DCAF8: variants seen among roughly 807,000 people sequenced by gnomAD.
DCAF8 encodes the protein DDB1- and CUL4-associated factor 8.
In DCAF8, 20 loss-of-function variants were observed where a neutral mutation model predicts 68.0. The observed-to-expected ratio is 0.29, with a 90% CI of 0.21 to 0.43. DCAF8 has a LOEUF of 0.43. DCAF8 is among the 20% of genes least tolerant of loss of function. The pLI, the probability that DCAF8 is intolerant of heterozygous loss-of-function variation, is 1.00. For missense variants in DCAF8, 460 were observed against 771.0 expected (o/e 0.60, Z 4.78); for synonymous variants, 230 against 276.9 (o/e 0.83, Z 1.68).
intron 2 of DCAF8, among the ~76,000 whole-genome samples, chr1:160,256,012 CTTTTTTTT>C (rs11284812): frequency 2.9e-4 from 22 of 75,526 alleles, no homozygotes; most frequent in African/African-American, 9.7e-4. Context: ...ACTAAGCAAA[CTTTTTTTT>C]TTTTTTTTTT....
At chr1:160,230,061 G>A (rs1218568799) in intron 7 of DCAF8, among the ~76,000 whole-genome samples, 1 of 152,020 alleles carries the variant, frequency 6.6e-6, no homozygotes, top group Non-Finnish European at 1.5e-5. Context: ...AAGGACTGTT[G>A]GTGACTAGAG....
intron 11 of DCAF8, chr1:160,220,912 GC>G (rs1655274612): frequency 1.3e-5 from 2 of 152,212 alleles, no homozygotes; most frequent in Admixed American, 1.3e-4. Context: ...AAAAAACAGA[GC>G]AGAGGGAGCC....
intron 4 of DCAF8, 185 bp downstream of exon 4, chr1:160,239,512 C>A (rs919580750): frequency 1.3e-6 from 2 of 1,498,496 alleles, no homozygotes; most frequent in Non-Finnish European, 1.8e-6. Flanking sequence ...TCCACATGCT[C>A]AAGGAATCTA....
In DCAF8 at chr1:160,239,853, A is replaced by G. The variant is rs749036129; in HGVS notation, c.567T>C (p.Leu189=). The G allele has an allele frequency of 5.0e-6, 8 of 1,614,218 alleles. No homozygotes were observed. In the Admixed American group the frequency reaches 8.3e-5, roughly 17 times the overall value. ...FVQRFRLQHG[L]EGHTGCVNTL... ...TATTGACACAACCAGTATGGCCCTC[A>G]AGCCCATGCTGCAGGCGGAAACGCT... The change falls in exon 4 of 14, where the codon CTT becomes CTC. Residue 189 remains leucine (L), a synonymous_variant. Coordinates refer to ENST00000368074, the MANE Select transcript of DCAF8 (RefSeq NM_015726.4).
chr1:160,230,413 G>A (rs1450833811), intron 7 of DCAF8, among the ~76,000 whole-genome samples: 1 of 152,108 alleles, frequency 6.6e-6, no homozygotes, highest in Non-Finnish European at 1.5e-5. Context: ...AGGGTCAGAG[G>A]AAATTAACTA....
At chr1:160,246,921 T>G (rs561580513) in intron 2 of DCAF8, among the ~76,000 whole-genome samples, 1 of 152,260 alleles carries the variant, frequency 6.6e-6, no homozygotes, top group Admixed American at 6.5e-5. Flanking sequence ...ATTATACCAC[T>G]TCTCTCCAGG....
At position 160,225,626 on chromosome 1, in the gene DCAF8, T is replaced by C. The variant is rs150468383; in HGVS notation, c.1108A>G (p.Asn370Asp). 6.2e-5 allele frequency: 100 copies of C among 1,613,744 alleles called. No homozygotes were observed. Among genetic ancestry groups the C allele is most frequent in the Non-Finnish European group, 8.1e-5 (96 of 1,179,780 alleles). ...GGACAGAACTTCTTGAGTACTCCATTGTTCTCATTCTCATCAATTTTCCTC... is the reference window on the plus strand; with the variant it reads ...GGACAGAACTTCTTGAGTACTCCATCGTTCTCATTCTCATCAATTTTCCTC... The part of the protein sequence containing the change: ...DQRKIDENEN[N>D]GVLKKFCPHH... The change falls in exon 8 of 14, where the codon AAT (asparagine) becomes GAT (aspartate). Residue 370 changes from asparagine (N) to aspartate (D), a missense_variant. Coordinates refer to ENST00000368074, the MANE Select transcript of DCAF8 (RefSeq NM_015726.4).
intron 3 of DCAF8, among the ~76,000 whole-genome samples, chr1:160,242,801 C>A (rs767069257): frequency 6.6e-6 from 1 of 152,278 alleles, no homozygotes; most frequent in East Asian, 1.9e-4. Context: ...TTTACAAAAA[C>A]AAGTGGCAGG....
Position 160,244,013 on chromosome 1 carries a change from AATG to A in DCAF8, c.-8_-6del. On this transcript the variant is annotated 5_prime_UTR_variant, in exon 3 of 14. Coordinates refer to ENST00000368074, the MANE Select transcript of DCAF8 (RefSeq NM_015726.4). The stretch of plus-strand genomic sequence containing the variant: ...GCTGCTCCCTTTGCTGGACATCTTG[AATG>A]ATGTTTGCTGTAGCCAGCCTGGGTT... The A allele has an allele frequency of 6.2e-7, 1 of 1,614,180 alleles. No homozygotes were observed. Among genetic ancestry groups the A allele is most frequent in the Non-Finnish European group, 8.5e-7 (1 of 1,180,022 alleles).
chr1:160,258,110 G>C (rs977830655), intron 2 of DCAF8, among the ~76,000 whole-genome samples: 2 of 152,198 alleles, frequency 1.3e-5, no homozygotes, highest in Non-Finnish European at 2.9e-5. Context: ...ACTCTGGGAG[G>C]CTGAGGCAGG....
chr1:160,228,144 C>T (rs187244347), intron 7 of DCAF8, among the ~76,000 whole-genome samples: 3 of 151,208 alleles, frequency 2.0e-5, no homozygotes, highest in Admixed American at 6.6e-5. Flanking sequence ...CCAAGTTGGC[C>T]TTGAACTTCT....
At chr1:160,248,974 C>T (rs1232658162) in intron 2 of DCAF8, among the ~76,000 whole-genome samples, 1 of 151,738 alleles carries the variant, frequency 6.6e-6, no homozygotes, top group Non-Finnish European at 1.5e-5. Context: ...GGCAGATCAC[C>T]TGAGGTCAGG....
chr1:160,250,058 A>G (rs1656512411), intron 2 of DCAF8, among the ~76,000 whole-genome samples: 1 of 152,254 alleles, frequency 6.6e-6, no homozygotes, highest in South Asian at 2.1e-4. Flanking sequence ...CCATGCGCCA[A>G]TCACAGTGGT....
At chr1:160,262,275 C>G (rs1657131694) in intron 1 of DCAF8, 174 bp downstream of exon 1, 1 of 399,122 alleles carries the variant, frequency 2.5e-6, no homozygotes, top group Non-Finnish European at 4.4e-6. Context: ...GAGACACAGA[C>G]CGGGTAGGTC....
At chr1:160,220,048 T>A (rs1487193042) in intron 11 of DCAF8, 1 of 152,288 alleles carries the variant, frequency 6.6e-6, no homozygotes, top group Non-Finnish European at 1.5e-5. Context: ...AAAATAGAGC[T>A]GACCTACAGA....
In DCAF8 at chr1:160,217,376, T is replaced by A. The variant is rs776684358; in HGVS notation, c.*216A>T. The A allele has an allele frequency of 2.9e-5, 14 of 476,022 alleles. No homozygotes were observed. The Admixed American group carries it at 3.5e-4, about 12-fold the overall frequency. 29.5% of individuals were successfully genotyped at this position (476,022 alleles called of 1,614,324 possible). Reference sequence around the variant, plus strand: ...CCATTTCTGCCGAGTCCTATGCACCTCTCCATAGAGCCCCATTCCAGGGCT... The same window carrying A: ...CCATTTCTGCCGAGTCCTATGCACCACTCCATAGAGCCCCATTCCAGGGCT... On this transcript the variant is annotated 3_prime_UTR_variant, in exon 14 of 14. Coordinates refer to ENST00000368074, the MANE Select transcript of DCAF8 (RefSeq NM_015726.4).
chr1:160,231,492 G>C (rs768055117), intron 6 of DCAF8, 85 bp from the exon 7 acceptor site: 7 of 899,982 alleles, frequency 7.8e-6, no homozygotes, highest in Non-Finnish European at 1.2e-5. Flanking sequence ...GAGTCACATG[G>C]CTAATAAGAA....
chr1:160,253,876 C>T (rs1656713561), intron 2 of DCAF8, among the ~76,000 whole-genome samples: 1 of 151,478 alleles, frequency 6.6e-6, no homozygotes, highest in Non-Finnish European at 1.5e-5. Context: ...TCCATGCTTC[C>T]AAAAAAATAC....
At chr1:160,240,943 T>C (rs1445096673) in intron 3 of DCAF8, among the ~76,000 whole-genome samples, 1 of 152,148 alleles carries the variant, frequency 6.6e-6, no homozygotes, top group Non-Finnish European at 1.5e-5. Flanking sequence ...GGCACGTGGA[T>C]CACGAGGTTA....
Sources: allele counts gnomAD v4.1 joint callset (sites outside exome capture counted in the v4.1 genomes callset), GRCh38; gene constraint gnomAD v4.1.1; transcripts MANE v1.5; gene names NCBI Gene and HGNC (gene_info 2026-07-23, HGNC 2026-07-21).